ABCB9: variants seen among roughly 807,000 people sequenced by gnomAD.
ABCB9 encodes the protein ABC-type oligopeptide transporter ABCB9.
Under a neutral mutation model 62.0 loss-of-function variants are expected in ABCB9, and 36 were observed. That is an observed-to-expected ratio of 0.58 (90% CI 0.45 to 0.77). ABCB9 has a LOEUF of 0.77. Among genes scored for constraint, ABCB9 ranks in the 30% least tolerant of loss-of-function variants. The pLI, the probability that ABCB9 is intolerant of heterozygous loss-of-function variation, is 0.00. For missense variants in ABCB9, 943 were observed against 1,054.7 expected, an observed-to-expected ratio of 0.89 and a Z score of 1.47; for synonymous variants, 435 against 461.4, an observed-to-expected ratio of 0.94 and a Z score of 0.73.
downstream of ABCB9, among the ~76,000 whole-genome samples, chr12:122,925,562 C>G (rs906132823): frequency 6.6e-6 from 1 of 152,062 alleles, no homozygotes; most frequent in African/African-American, 2.4e-5. Context: ...TTCTGGCTAA[C>G]GCGGTGAAAC....
chr12:122,944,563 T>G lies in ABCB9; in HGVS notation c.1252-44A>C. The G allele has an allele frequency of 6.2e-7, 1 of 1,601,102 alleles. No homozygotes were observed. Among genetic ancestry groups the G allele is most frequent in the South Asian group, 1.1e-5 (1 of 90,020 alleles). On this transcript the variant is annotated intron_variant, in intron 6 of 11. Coordinates refer to ENST00000280560, the MANE Select transcript of ABCB9 (RefSeq NM_019625.4). This position sits in a 1 kb window ranked among gnomAD's most constrained non-coding sequence, Gnocchi z 4.9. ...GGATGTGGGTCGAGGGGACCTTAGA[T>G]CCCCCACCATCCCCATTCCCTGACC...
intron 9 of ABCB9, among the ~76,000 whole-genome samples, chr12:122,936,616 A>G (rs1262038372): frequency 6.6e-6 from 1 of 151,696 alleles, no homozygotes; most frequent in Non-Finnish European, 1.5e-5. Context: ...ATAATTAAAA[A>G]TTGGCCAGGT....
At chr12:122,920,763 T>A (rs528300640), downstream of ABCB9, among the ~76,000 whole-genome samples, 45 of 150,544 alleles carry the variant, frequency 3.0e-4, no homozygotes, top group African/African-American at 1.1e-3. Context: ...AAAAAAAAAA[T>A]TTTGCCAGGC....
downstream of ABCB9, chr12:122,924,936 A>C: frequency 9.7e-7 from 1 of 1,031,794 alleles, no homozygotes; most frequent in Non-Finnish European, 1.4e-6. Context: ...TTTGTTTTTG[A>C]GACAGAGTCT....
chr12:122,954,113 C>T (rs558193721), intron 2 of ABCB9, among the ~76,000 whole-genome samples: 5 of 151,022 alleles, frequency 3.3e-5, no homozygotes, highest in South Asian at 2.1e-4. Flanking sequence ...AGGCTGAAGT[C>T]GCTGTGATCA....
rs2035255429 is a variant in ABCB9 at position 122,932,795 on chromosome 12, A to G, written c.1904-467T>C. On this transcript the variant is annotated intron_variant, in intron 10 of 11. Coordinates refer to ENST00000280560, the MANE Select transcript of ABCB9 (RefSeq NM_019625.4). This position sits in a 1 kb window ranked among gnomAD's most constrained non-coding sequence, Gnocchi z 4.7. ...ATGGACCGACTTCCTCCCATGCACA[A>G]CAATATAGACACAGGTCACCTGTGA... Among the ~76,000 whole-genome samples the G allele has an allele frequency of 6.6e-6, 1 of 152,210 alleles. No homozygotes were observed. The highest frequency in any genetic ancestry group is 6.5e-5 in the Admixed American group (1 of 15,274).
At chr12:122,937,367 AAAAAG>A (rs1346851905) in intron 9 of ABCB9, among the ~76,000 whole-genome samples, 46 of 152,078 alleles carry the variant, frequency 3.0e-4, no homozygotes, top group Non-Finnish European at 4.3e-4. Context: ...TTAAAAAAAA[AAAAAG>A]AAAAGAAAAA....
In ABCB9 at chr12:122,944,842, G is replaced by A. The variant is rs2035954478; in HGVS notation, c.1252-323C>T. On this transcript the variant is annotated intron_variant, in intron 6 of 11. Coordinates refer to ENST00000280560, the MANE Select transcript of ABCB9 (RefSeq NM_019625.4). The surrounding 1 kb of genome is among the most constrained non-coding windows in gnomAD (Gnocchi z 4.9). ...TGGGAACTATTCGTCCTCCTCATGGGGAAGAGCATGACTCAGAGAGGGCAA... is the reference window on the plus strand; with the variant it reads ...TGGGAACTATTCGTCCTCCTCATGGAGAAGAGCATGACTCAGAGAGGGCAA... 3.9e-6 allele frequency: 1 copy of A among 256,988 alleles called. No individual in the cohort carries two copies. Among genetic ancestry groups the A allele is most frequent in the African/African-American group, 2.2e-5 (1 of 46,058 alleles). The allele number at this position is 256,988 out of a possible 1,614,324, so 15.9% of individuals were successfully genotyped here. A position where few individuals can be genotyped will look rare whatever the true frequency, so the allele number is the denominator to read the frequency against.
chr12:122,954,621 C>T (rs1203127024), intron 2 of ABCB9, among the ~76,000 whole-genome samples: 1 of 151,940 alleles, frequency 6.6e-6, no homozygotes, highest in Non-Finnish European at 1.5e-5. Flanking sequence ...GCCTTCTGAG[C>T]AGCTGGGATT....
intron 11 of ABCB9, among the ~76,000 whole-genome samples, chr12:122,921,351 G>A (rs1365309477): frequency 6.6e-6 from 1 of 152,148 alleles, no homozygotes; most frequent in Non-Finnish European, 1.5e-5. Flanking sequence ...GAAGTTCAAG[G>A]CTGAAGTGAG....
Position 122,959,752 on chromosome 12 carries a change from C to G in ABCB9, c.484G>C (p.Gly162Arg), listed in dbSNP as rs544898576. Reference sequence around the variant, plus strand: ...GACGCCTGCTCGGGCGGTGGCCGGCCGCTCCCAGGGAAGCCCTCAGCCTCG... The same window carrying G: ...GACGCCTGCTCGGGCGGTGGCCGGCGGCTCCCAGGGAAGCCCTCAGCCTCG... ...ATEAEGFPGSGRPPPEQASGA... is the reference protein window; with the variant it reads ...ATEAEGFPGSRRPPPEQASGA... The change falls in exon 2 of 12, where the codon GGC becomes CGC. Residue 162 changes from glycine (G) to arginine (R), a missense_variant. Gly to Arg is a moderately radical substitution (Grantham distance 125). Coordinates refer to ENST00000280560, the MANE Select transcript of ABCB9 (RefSeq NM_019625.4). This position sits in a 1 kb window ranked among gnomAD's most constrained non-coding sequence, Gnocchi z 5.4. 6.2e-7 allele frequency: 1 copy of G among 1,611,576 alleles called. No homozygotes were observed. Among genetic ancestry groups the G allele is most frequent in the Admixed American group, 1.7e-5 (1 of 59,908 alleles).
chr12:122,931,192 CTT>C (rs1483986149), intron 11 of ABCB9: 1 of 151,452 alleles, frequency 6.6e-6, no homozygotes, highest in Non-Finnish European at 1.5e-5. Flanking sequence ...ACCTGGCGGA[CTT>C]TTGTATTTTT....
At position 122,946,083 on chromosome 12, in the gene ABCB9, A is replaced by G. The variant is rs1256349983; in HGVS notation, c.1193T>C (p.Val398Ala). 2 of 1,613,856 alleles carry G rather than the reference A, an allele frequency of 1.2e-6. No homozygotes were observed. Among genetic ancestry groups the G allele is most frequent in the South Asian group, 1.1e-5 (1 of 91,076 alleles). Reference sequence around the variant, plus strand: ...TGCCTCCTTCCTGTTCAGCTTGTACACCTGCTGCAGCTTCCGCAGGTACAC... The same window carrying G: ...TGCCTCCTTCCTGTTCAGCTTGTACGCCTGCTGCAGCTTCCGCAGGTACAC... ...AEVYLRKLQQ[V>A]YKLNRKEAAA... Residue 398 changes from valine to alanine, a missense_variant, in exon 6 of 12, where the codon GTG (valine) becomes GCG (alanine). Coordinates refer to ENST00000280560, the MANE Select transcript of ABCB9 (RefSeq NM_019625.4).
chr12:122,944,030 C>T lies in ABCB9; in HGVS notation c.1380+361G>A, dbSNP rs560890375. 5.3e-5 allele frequency among the ~76,000 whole-genome samples: 8 copies of T among 152,302 alleles called. No individual in the cohort carries two copies. The South Asian group carries it at 1.7e-3, about 32-fold the overall frequency. Reference sequence around the variant, plus strand: ...CTCAGCTCACTGCAACCTCTGCCTCCAGGGTTCAAGCAATTCTCCTCTCAA... The same window carrying T: ...CTCAGCTCACTGCAACCTCTGCCTCTAGGGTTCAAGCAATTCTCCTCTCAA... On this transcript the variant is annotated intron_variant, in intron 7 of 11. Transcript: ENST00000280560. This position sits in a 1 kb window ranked among gnomAD's most constrained non-coding sequence, Gnocchi z 4.9.
At chr12:122,963,911 C>A (rs1038228866) in intron 1 of ABCB9, among the ~76,000 whole-genome samples, 9 of 152,216 alleles carry the variant, frequency 5.9e-5, no homozygotes, top group Admixed American at 6.5e-5. Flanking sequence ...GGTCCTGGCT[C>A]CCTCCCCAGC....
Position 122,940,310 on chromosome 12 carries a change from C to CG in ABCB9, c.1570-27dup. Reference sequence around the variant, plus strand: ...CTGCAAAGAACACACAGGCACAGTGCGGGGTTATCGGCTCAGGTCCCAGGA... The same window carrying CG: ...CTGCAAAGAACACACAGGCACAGTGCGGGGGTTATCGGCTCAGGTCCCAGGA... On this transcript the variant is annotated intron_variant, in intron 8 of 11. Coordinates refer to ENST00000280560, the MANE Select transcript of ABCB9 (RefSeq NM_019625.4). This position sits in a 1 kb window ranked among gnomAD's most constrained non-coding sequence, Gnocchi z 4.8. 1 of 1,540,742 alleles carries CG rather than the reference C, an allele frequency of 6.5e-7. No individual in the cohort carries two copies. Among genetic ancestry groups the CG allele is most frequent in the South Asian group, 1.3e-5 (1 of 79,888 alleles).
chr12:122,920,904 C>G (rs2034730761), downstream of ABCB9: 4 of 960,942 alleles, frequency 4.2e-6, no homozygotes. Context: ...CAGAGTGAGA[C>G]CCCTGTCTTA....
chr12:122,924,501 A>G (rs1465368047), downstream of ABCB9: 1 of 852,646 alleles, frequency 1.2e-6, no homozygotes, highest in African/African-American at 1.8e-5. Context: ...AGTAGCTGGA[A>G]TTACAGACAT....
At chr12:122,918,799 G>A (rs1013824759), downstream of ABCB9, among the ~76,000 whole-genome samples, 8 of 152,006 alleles carry the variant, frequency 5.3e-5, no homozygotes, top group Non-Finnish European at 1.2e-4. Context: ...GGTATTAAAT[G>A]TATTCACAAT....
Sources: allele counts gnomAD v4.1 joint callset (sites outside exome capture counted in the v4.1 genomes callset), GRCh38; gene constraint gnomAD v4.1.1; non-coding constraint Gnocchi (gnomAD v3.1); transcripts MANE v1.5; gene names NCBI Gene and HGNC (gene_info 2026-07-23, HGNC 2026-07-21).